The following SRSF1 variants were observed in gnomAD, a reference collection of about 807,000 sequenced individuals.
The protein encoded by SRSF1 is serine/arginine-rich splicing factor 1.
In SRSF1, 1 loss-of-function variant was observed where a neutral mutation model predicts 25.9. The observed-to-expected ratio is 0.04, with a 90% CI of 0.01 to 0.18. The LOEUF is 0.18. SRSF1 is among the 10% of genes least tolerant of loss of function. SRSF1 has a pLI of 1.00. For synonymous variants in SRSF1, 132 were observed against 126.2 expected, an observed-to-expected ratio of 1.05 and a Z score of -0.31; for missense variants, 65 against 350.5, an observed-to-expected ratio of 0.19 and a Z score of 6.50.
chr17:58,000,815 G>A (rs2075384393), downstream of SRSF1, among the ~76,000 whole-genome samples: 1 of 152,124 alleles, frequency 6.6e-6, no homozygotes, highest in African/African-American at 2.4e-5. Flanking sequence ...TATATACCCT[G>A]TATTACATAA....
At position 58,006,548 on chromosome 17, in the gene SRSF1, A is replaced by G. The variant is rs2075429338; in HGVS notation, c.195-21T>C. 4 of 1,602,106 alleles carry G rather than the reference A, an allele frequency of 2.5e-6. No individual in the cohort carries two copies. In the South Asian group the frequency reaches 4.4e-5, roughly 18 times the overall value. On this transcript the variant is annotated intron_variant, in intron 1 of 3. Coordinates refer to ENST00000258962, the MANE Select transcript of SRSF1 (RefSeq NM_006924.5). ...CGTCTCTGCGGGATCGCAGAAAGTA[A>G]AAGGGATGAGAAACACCAGGAGGAG...
In SRSF1 at chr17:58,003,449, C is replaced by A. The variant is rs2075406742; in HGVS notation, c.*1957G>T. 1 of 152,126 alleles carries A rather than the reference C, an allele frequency of 6.6e-6. No homozygotes were observed. The highest frequency in any genetic ancestry group is 1.5e-5 in the Non-Finnish European group (1 of 68,030). The allele number at this position is 152,126 out of a possible 1,614,324, so 9.4% of individuals were successfully genotyped here. On this transcript the variant is annotated 3_prime_UTR_variant, in exon 4 of 4. Transcript: ENST00000258962. ...AACAATTTAAAGATTAACTGATAGA[C>A]CCAGTTAGAATCTTACATGAAGAGG...
downstream of SRSF1, among the ~76,000 whole-genome samples, chr17:57,996,483 T>TTAAAA (rs538866531): frequency 7.6e-4 from 55 of 72,366 alleles, 2 homozygotes; most frequent in African/African-American, 2.2e-3. Context: ...GACACTGTCT[T>TTAAAA]AAAAAAAAAA....
At chr17:57,995,564 A>AC in the SRSF1 span, among the ~76,000 whole-genome samples, 16 of 152,194 alleles carry the variant, frequency 1.1e-4, no homozygotes, top group Non-Finnish European at 1.6e-4. Flanking sequence ...CTCTAGAACA[A>AC]CCCTCAGCAC....
downstream of SRSF1, among the ~76,000 whole-genome samples, chr17:57,998,785 A>C (rs2075374216): frequency 6.6e-6 from 1 of 152,208 alleles, no homozygotes; most frequent in African/African-American, 2.4e-5. Flanking sequence ...TCCCCCCACA[A>C]GAAGTCCACT....
chr17:57,991,678 G>A, the SRSF1 span: 1 of 151,550 alleles, frequency 6.6e-6, no homozygotes, highest in Non-Finnish European at 1.5e-5. Context: ...ACTCCTCAGG[G>A]AGGAAAGCAG....
chr17:57,998,276 C>T (rs117415831), downstream of SRSF1, among the ~76,000 whole-genome samples: 527 of 152,286 alleles, frequency 3.5e-3, 1 homozygote, highest in Non-Finnish European at 4.3e-3. Context: ...ATTTCTACCA[C>T]CGTTAAGGGT....
At chr17:57,999,205 GAGA>G (rs2075376126), downstream of SRSF1, among the ~76,000 whole-genome samples, 3 of 152,142 alleles carry the variant, frequency 2.0e-5, no homozygotes, top group South Asian at 2.1e-4. Context: ...TAGTAATACT[GAGA>G]AGATCATCAC....
intron 1 of SRSF1, 188 bp downstream of exon 1, chr17:58,006,756 C>T: frequency 1.1e-6 from 1 of 878,000 alleles, no homozygotes; most frequent in Non-Finnish European, 1.7e-6. Flanking sequence ...GCTCCGGGGA[C>T]GTCCAAGGCG....
chr17:57,990,637 C>T, the SRSF1 span: 1 of 152,234 alleles, frequency 6.6e-6, no homozygotes, highest in African/African-American at 2.4e-5. Context: ...TGAGCTTCCA[C>T]AGACTATATA....
rs564017343 is a variant in SRSF1, at chr17:58,005,622, C to G, written c.553-22G>C. 6.2e-7 allele frequency: 1 copy of G among 1,612,582 alleles called. No homozygotes were observed. Among genetic ancestry groups the G allele is most frequent in the African/African-American group, 1.3e-5 (1 of 74,960 alleles). ...CTCCCTATTGGATAGACAGAACTTT[C>G]CATTGAAAGATCTAAGCTTTCATCT... On this transcript the variant is annotated intron_variant, in intron 3 of 3. Coordinates refer to ENST00000258962, the MANE Select transcript of SRSF1 (RefSeq NM_006924.5). The surrounding 1 kb of genome is among the most constrained non-coding windows in gnomAD (Gnocchi z 5.2).
downstream of SRSF1, among the ~76,000 whole-genome samples, chr17:57,997,942 C>T (rs1427966863): frequency 2.0e-5 from 3 of 152,124 alleles, no homozygotes; most frequent in Non-Finnish European, 2.9e-5. Context: ...CAGCCAGGTG[C>T]GCTGGCTCAC....
chr17:58,005,209 T>C lies in SRSF1; in HGVS notation c.*197A>G, dbSNP rs532394151. 1.6e-6 allele frequency: 1 copy of C among 619,800 alleles called. No homozygotes were observed. The highest frequency in any genetic ancestry group is 3.0e-5 in the Admixed American group (1 of 33,552). 38.4% of individuals were successfully genotyped at this position (619,800 alleles called of 1,614,324 possible). On this transcript the variant is annotated 3_prime_UTR_variant, in exon 4 of 4. Transcript: ENST00000258962. The surrounding 1 kb of genome is among the most constrained non-coding windows in gnomAD (Gnocchi z 5.2). Reference sequence around the variant, plus strand: ...AACTAAATTTAAACAATCCTGTCTATGACATCACTTAAAATACAATTTATC... The same window carrying C: ...AACTAAATTTAAACAATCCTGTCTACGACATCACTTAAAATACAATTTATC...
Position 58,002,993 on chromosome 17 carries a change from C to G in SRSF1, c.*2413G>C, listed in dbSNP as rs1376726548. Among the ~76,000 whole-genome samples, 4 of 152,202 alleles carry G rather than the reference C, an allele frequency of 2.6e-5. No homozygotes were observed. The highest frequency in any genetic ancestry group is 5.9e-5 in the Non-Finnish European group (4 of 68,038). On this transcript the variant is annotated 3_prime_UTR_variant, in exon 4 of 4. Transcript: ENST00000258962. ...CACCACTGCCCTCCAGTCTGGAGAA[C>G]AGAGCGAGACTCTGTCTCAAAAACA...
At chr17:58,006,235 T>C (rs1212023152) in intron 2 of SRSF1, 108 bp downstream of exon 2, 13 of 1,375,012 alleles carry the variant, frequency 9.5e-6, no homozygotes, top group South Asian at 5.6e-5. Context: ...ACTAAAGCAA[T>C]TTAAGACCTA....
In SRSF1 at chr17:58,001,686, G is replaced by C. The variant is rs1052666779; in HGVS notation, c.*3720C>G. 6.6e-6 allele frequency among the ~76,000 whole-genome samples: 1 copy of C among 152,092 alleles called. No homozygotes were observed. Among genetic ancestry groups the C allele is most frequent in the Non-Finnish European group, 1.5e-5 (1 of 68,012 alleles). On this transcript the variant is annotated 3_prime_UTR_variant, in exon 4 of 4. Transcript: ENST00000258962. The stretch of plus-strand genomic sequence containing the variant: ...AAGACAGCTTTTGTAGTTTCAAAAG[G>C]GTGTAACTTTCTTCTAATAATTGCC...
the SRSF1 span, chr17:57,994,480 A>G: frequency 6.6e-6 from 1 of 152,220 alleles, no homozygotes; most frequent in African/African-American, 2.4e-5. Context: ...GGAGTTTGAG[A>G]TAAAACTCCT....
chr17:57,997,081 A>G (rs891764313), downstream of SRSF1, among the ~76,000 whole-genome samples: 4 of 152,182 alleles, frequency 2.6e-5, no homozygotes, highest in African/African-American at 9.7e-5. Context: ...AAGGATACCT[A>G]GGAGGCAACT....
At chr17:57,992,096 C>T in the SRSF1 span, 2 of 152,174 alleles carry the variant, frequency 1.3e-5, no homozygotes, top group African/African-American at 2.4e-5. Context: ...TTGAAGGACA[C>T]CAGCAAAAAT....
Sources: allele counts gnomAD v4.1 joint callset (sites outside exome capture counted in the v4.1 genomes callset), GRCh38; gene constraint gnomAD v4.1.1; non-coding constraint Gnocchi (gnomAD v3.1); transcripts MANE v1.5; gene names NCBI Gene and HGNC (gene_info 2026-07-23, HGNC 2026-07-21).